Variants in SNX16 observed in about 807,000 individuals in gnomAD.
SNX16 encodes sorting nexin-16.
In SNX16, 35 loss-of-function variants were observed where a neutral mutation model predicts 36.7. The observed-to-expected ratio is 0.95, with a 90% CI of 0.73 to 1.27. The LOEUF (loss-of-function observed/expected upper bound fraction) is 1.27, where lower values mean the gene tolerates loss of function less well. Among genes scored for constraint, SNX16 ranks in the 50% most tolerant of loss-of-function variants. SNX16 has a pLI of 0.00. For synonymous variants in SNX16, 134 were observed against 132.0 expected, an observed-to-expected ratio of 1.02 and a Z score of -0.10; for missense variants, 367 against 393.6, an observed-to-expected ratio of 0.93 and a Z score of 0.57.
chr8:81,801,555 T>G lies in SNX16; in HGVS notation c.977A>C (p.Glu326Ala). Residue 326 changes from glutamate to alanine, a missense_variant, in exon 8 of 8, where the codon GAA becomes GCA. Physicochemically the swap from Glu to Ala is moderately radical, Grantham distance 107 (BLOSUM62 -1). Coordinates refer to ENST00000345957, the MANE Select transcript of SNX16 (RefSeq NM_152836.3). ...NKPCLSFSEP[E>A]NAVSEIEVAE... ...TACTTCTATCTCTGATACAGCATTT[T>G]CAGGTTCACTAAAACTTAAGCATGG... 1 of 1,590,618 alleles carries G rather than the reference T, an allele frequency of 6.3e-7. No individual in the cohort carries two copies. Among genetic ancestry groups the G allele is most frequent in the Non-Finnish European group, 8.5e-7 (1 of 1,174,718 alleles).
rs1809664198 is a variant in SNX16, at chr8:81,801,073, T to C, written c.*424A>G. Reference sequence around the variant, plus strand: ...CTGATTTAAACTATTAATGAAAATATGTCATGTCAGAGATATAAAGAAGAA... The same window carrying C: ...CTGATTTAAACTATTAATGAAAATACGTCATGTCAGAGATATAAAGAAGAA... On this transcript the variant is annotated 3_prime_UTR_variant, in exon 8 of 8. Coordinates refer to ENST00000345957, the MANE Select transcript of SNX16 (RefSeq NM_152836.3). 6.6e-6 allele frequency: 1 copy of C among 152,452 alleles called. No homozygotes were observed. The highest frequency in any genetic ancestry group is 2.1e-4 in the South Asian group (1 of 4,834). 9.4% of individuals were successfully genotyped at this position (152,452 alleles called of 1,614,324 possible). A position where few individuals can be genotyped will look rare whatever the true frequency, so the allele number is the denominator to read the frequency against.
chr8:81,805,597 G>A (rs1809894677), intron 5 of SNX16, among the ~76,000 whole-genome samples: 1 of 152,178 alleles, frequency 6.6e-6, no homozygotes, highest in African/African-American at 2.4e-5. Flanking sequence ...CTAAAGATAT[G>A]TTAAGAGATT....
intron 3 of SNX16, among the ~76,000 whole-genome samples, chr8:81,824,733 T>G (rs924303506): frequency 2.0e-5 from 3 of 152,210 alleles, no homozygotes; most frequent in Non-Finnish European, 4.4e-5. Flanking sequence ...TTACCACAAC[T>G]GTGTAACAAA....
At chr8:81,829,824 T>G (rs1467998958) in intron 2 of SNX16, among the ~76,000 whole-genome samples, 4 of 152,140 alleles carry the variant, frequency 2.6e-5, no homozygotes, top group Admixed American at 1.3e-4. Context: ...GATTAAAAAA[T>G]TATACTTGAA....
At chr8:81,820,692 T>C (rs764544415) in intron 4 of SNX16, among the ~76,000 whole-genome samples, 4 of 151,346 alleles carry the variant, frequency 2.6e-5, no homozygotes, top group Non-Finnish European at 5.9e-5. Flanking sequence ...GCTTGACCAT[T>C]GCAAACAGCA....
intron 6 of SNX16, 116 bp downstream of exon 6, chr8:81,802,976 G>T: frequency 1.0e-6 from 1 of 952,410 alleles, no homozygotes; most frequent in Non-Finnish European, 1.5e-6. Flanking sequence ...TATGCCAAAA[G>T]CCTACAACTT....
intron 5 of SNX16, among the ~76,000 whole-genome samples, chr8:81,809,597 T>G (rs1810131057): frequency 6.6e-6 from 1 of 152,210 alleles, no homozygotes; most frequent in African/African-American, 2.4e-5. Context: ...CAGACCTGGC[T>G]GGTAATCAAG....
chr8:81,802,551 T>C, intron 6 of SNX16, 52 bp from the exon 7 acceptor site: 1 of 1,508,368 alleles, frequency 6.6e-7, no homozygotes, highest in East Asian at 2.3e-5. Flanking sequence ...AACAGGCATA[T>C]GTTTAATGTT....
intron 1 of SNX16, among the ~76,000 whole-genome samples, chr8:81,841,273 G>A (rs913881741): frequency 2.0e-5 from 3 of 151,362 alleles, no homozygotes; most frequent in Non-Finnish European, 2.9e-5. Context: ...CCCGGGAGGC[G>A]GAGGTTGCAG....
chr8:81,799,796 A>G lies in SNX16; in HGVS notation c.*1701T>C, dbSNP rs998748685. On this transcript the variant is annotated 3_prime_UTR_variant, in exon 8 of 8. Transcript: ENST00000345957. ...TTTAGAACAGACAGGCAACACTATA[A>G]TATCTAGAATTTGGCAAAGATCTGT... 6.6e-6 allele frequency: 1 copy of G among 151,958 alleles called. No homozygotes were observed. Among genetic ancestry groups the G allele is most frequent in the Admixed American group, 6.5e-5 (1 of 15,268 alleles). 9.4% of individuals were successfully genotyped at this position (151,958 alleles called of 1,614,324 possible).
intron 5 of SNX16, among the ~76,000 whole-genome samples, chr8:81,803,809 C>T (rs1277973942): frequency 6.6e-6 from 1 of 151,520 alleles, no homozygotes; most frequent in Middle Eastern, 3.4e-3. Flanking sequence ...TAATAAAAGT[C>T]ACTCAACAAC....
intron 2 of SNX16, among the ~76,000 whole-genome samples, chr8:81,829,720 A>G (rs548440038): frequency 1.3e-5 from 2 of 152,292 alleles, no homozygotes; most frequent in East Asian, 1.9e-4. Context: ...CTTAGGAAAT[A>G]TAACAGATTT....
At chr8:81,822,956 A>G (rs1490236052) in intron 4 of SNX16, among the ~76,000 whole-genome samples, 25 of 76,874 alleles carry the variant, frequency 3.3e-4, no homozygotes, top group Non-Finnish European at 6.3e-4. Flanking sequence ...ACATATATAT[A>G]TATATATATA....
intron 7 of SNX16, 106 bp from the exon 8 acceptor site, chr8:81,801,699 T>C: frequency 1.6e-6 from 1 of 618,518 alleles, no homozygotes; most frequent in Non-Finnish European, 2.7e-6. Flanking sequence ...ATAGAAAATT[T>C]ACATACTTAG....
intron 1 of SNX16, among the ~76,000 whole-genome samples, chr8:81,840,909 AAG>A (rs1811724593): frequency 6.6e-6 from 1 of 152,112 alleles, no homozygotes; most frequent in Admixed American, 6.6e-5. Flanking sequence ...ATAAACTCAT[AAG>A]AAACTGTAAC....
intron 5 of SNX16, among the ~76,000 whole-genome samples, chr8:81,814,223 A>G (rs904411714): frequency 1.3e-5 from 2 of 152,034 alleles, no homozygotes; most frequent in Admixed American, 6.5e-5. Flanking sequence ...CAAACAATGA[A>G]AAACCATTTA....
intron 5 of SNX16, among the ~76,000 whole-genome samples, chr8:81,807,375 T>C (rs1810002377): frequency 6.6e-6 from 1 of 150,868 alleles, no homozygotes; most frequent in Non-Finnish European, 1.5e-5. Flanking sequence ...AAAAATTAGC[T>C]GGATGTGGTG....
intron 5 of SNX16, among the ~76,000 whole-genome samples, chr8:81,804,668 A>C (rs1237961457): frequency 6.6e-6 from 1 of 152,084 alleles, no homozygotes; most frequent in African/African-American, 2.4e-5. Flanking sequence ...CAGATTTTTC[A>C]GACTGTATTA....
At position 81,808,114 on chromosome 8, in the gene SNX16, G is replaced by C. The variant is rs1228775650; in HGVS notation, c.682-4886C>G. 8.1e-6 allele frequency: 10 copies of C among 1,236,416 alleles called. No homozygotes were observed. The East Asian group carries it at 2.3e-4, about 29-fold the overall frequency. 76.6% of individuals were successfully genotyped at this position (1,236,416 alleles called of 1,614,324 possible). A position where few individuals can be genotyped will look rare whatever the true frequency, so the allele number is the denominator to read the frequency against. The stretch of plus-strand genomic sequence containing the variant: ...GATATTTATTGGTGGCATTAAAGAA[G>C]ACACTGAAGAACATCACCTAAGAGA... On this transcript the variant is annotated intron_variant, in intron 5 of 7. Coordinates refer to ENST00000345957, the MANE Select transcript of SNX16 (RefSeq NM_152836.3).
Sources: gnomAD v4.1 joint callset for allele counts (sites outside exome capture counted in the v4.1 genomes callset) on GRCh38, gnomAD v4.1.1 for gene constraint, MANE v1.5 for transcripts, NCBI Gene and HGNC (gene_info 2026-07-23, HGNC 2026-07-21) for gene names.